The following SAV1 variants were observed in gnomAD, a reference collection of about 807,000 sequenced individuals.
SAV1 encodes the protein salvador family WW domain containing protein 1.
In SAV1, 23 loss-of-function variants were observed where a neutral mutation model predicts 47.3. The ratio of observed to expected loss-of-function variants is 0.49; its 90% confidence interval spans 0.35 to 0.69. The LOEUF is 0.69. Among genes scored for constraint, SAV1 ranks in the 30% least tolerant of loss-of-function variants. The pLI, the probability that SAV1 is intolerant of heterozygous loss-of-function variation, is 0.01. For missense variants in SAV1, 448 were observed against 457.4 expected (o/e 0.98, Z 0.19); for synonymous variants, 155 against 159.2 (o/e 0.97, Z 0.20).
Position 50,667,899 on chromosome 14 carries a change from C to T in SAV1, c.69G>A (p.Lys23=), listed in dbSNP as rs2039917512. 6.2e-7 allele frequency: 1 copy of T among 1,613,254 alleles called. No homozygotes were observed. Among genetic ancestry groups the T allele is most frequent in the South Asian group, 1.1e-5 (1 of 91,074 alleles). The change falls in exon 1 of 5, where the codon AAG becomes AAA. Residue 23 remains lysine, a synonymous_variant. Transcript: ENST00000324679. ...KPAEVQGKYV[K]KETSPLLRNL... ...TCCGAAGCAGAGGCGACGTCTCCTTCTTCACGTACTTCCCCTGCACCTCGG... is the reference window on the plus strand; with the variant it reads ...TCCGAAGCAGAGGCGACGTCTCCTTTTTCACGTACTTCCCCTGCACCTCGG...
chr14:50,660,424 T>C (rs2039848946), intron 2 of SAV1, among the ~76,000 whole-genome samples: 1 of 152,226 alleles, frequency 6.6e-6, no homozygotes, highest in Non-Finnish European at 1.5e-5. Flanking sequence ...TGTCTCAGTG[T>C]TCTGCTCTAT....
intron 2 of SAV1, among the ~76,000 whole-genome samples, chr14:50,661,002 G>A (rs989122294): frequency 6.6e-6 from 1 of 152,160 alleles, no homozygotes; most frequent in African/African-American, 2.4e-5. Context: ...TCATATGGTA[G>A]TTCTGTTTTC....
chr14:50,661,616 G>A (rs1332953204), intron 2 of SAV1, among the ~76,000 whole-genome samples: 1 of 152,110 alleles, frequency 6.6e-6, no homozygotes, highest in Non-Finnish European at 1.5e-5. Context: ...TTTGCATATG[G>A]TGAGACAAGG....
At chr14:50,649,936 A>G (rs537812920) in intron 2 of SAV1, among the ~76,000 whole-genome samples, 2 of 152,342 alleles carry the variant, frequency 1.3e-5, no homozygotes, top group Admixed American at 6.5e-5. Context: ...CTACTAGTCA[A>G]AAGTTCCCAG....
intron 3 of SAV1, among the ~76,000 whole-genome samples, chr14:50,642,145 A>C (rs911796911): frequency 6.6e-6 from 1 of 152,164 alleles, no homozygotes; most frequent in Non-Finnish European, 1.5e-5. Context: ...GGTAGGAGCT[A>C]AACACTGAGT....
In SAV1 at chr14:50,640,784, C is replaced by G; in HGVS notation, c.916G>C (p.Asp306His). Reference sequence around the variant, plus strand: ...GCTCGTGCGTAAACCTGAAGCCAGTCAGGAATTTCTGCAGTATGATATGGA... The same window carrying G: ...GCTCGTGCGTAAACCTGAAGCCAGTGAGGAATTTCTGCAGTATGATATGGA... ...ANPYHTAEIP[D>H]WLQVYARAPV... The change falls in exon 4 of 5, where the codon GAC becomes CAC. Residue 306 changes from aspartate to histidine, a missense_variant. By Grantham distance (81) the Asp-to-His change is moderately conservative. Coordinates refer to ENST00000324679, the MANE Select transcript of SAV1 (RefSeq NM_021818.4). 1 of 1,613,536 alleles carries G rather than the reference C, an allele frequency of 6.2e-7. No individual in the cohort carries two copies. Among genetic ancestry groups the G allele is most frequent in the Non-Finnish European group, 8.5e-7 (1 of 1,179,784 alleles).
rs143648225 is a variant in SAV1 at position 50,636,934 on chromosome 14, T to C, written c.951-1550A>G. ...TAGCATTATTTTTAATGATCGTTTATAGTATTTCCTACCCAGTGGTTCTTT... is the reference window on the plus strand; with the variant it reads ...TAGCATTATTTTTAATGATCGTTTACAGTATTTCCTACCCAGTGGTTCTTT... On this transcript the variant is annotated intron_variant, in intron 4 of 4. Transcript: ENST00000324679. Among the ~76,000 whole-genome samples, 423 of 152,328 alleles carry C rather than the reference T, an allele frequency of 2.8e-3. 1 individual carries two copies. The highest frequency in any genetic ancestry group is 5.1e-3 in the Non-Finnish European group (349 of 68,018).
intron 2 of SAV1, among the ~76,000 whole-genome samples, chr14:50,661,772 T>C (rs1056502352): frequency 6.6e-6 from 1 of 152,252 alleles, no homozygotes; most frequent in Non-Finnish European, 1.5e-5. Context: ...CTGCATTACC[T>C]ATTTTTGTTC....
In SAV1 at chr14:50,635,404, T is replaced by C. The variant is rs372720176; in HGVS notation, c.951-20A>G. ...TCATATCTGTTTTAAAACACAATCA[T>C]ATATATGTTCACAACACATACATAA... is the stretch of plus-strand genomic sequence containing the variant. On this transcript the variant is annotated intron_variant, in intron 4 of 4. Transcript: ENST00000324679. 3.9e-5 allele frequency: 62 copies of C among 1,592,174 alleles called. No individual in the cohort carries two copies. The African/African-American group carries it at 5.6e-4, about 14-fold the overall frequency.
chr14:50,650,307 C>A (rs1450993479), intron 2 of SAV1, among the ~76,000 whole-genome samples: 2 of 152,158 alleles, frequency 1.3e-5, no homozygotes, highest in East Asian at 1.9e-4. Context: ...ATTACACGCA[C>A]AGAACAGAGT....
chr14:50,660,041 G>T (rs1185250331), intron 2 of SAV1, among the ~76,000 whole-genome samples: 1 of 152,136 alleles, frequency 6.6e-6, no homozygotes, highest in African/African-American at 2.4e-5. Context: ...TCTTTCCATA[G>T]TAACTGGCAG....
intron 4 of SAV1, among the ~76,000 whole-genome samples, chr14:50,638,305 T>C (rs1347662462): frequency 6.6e-6 from 1 of 152,212 alleles, no homozygotes; most frequent in Non-Finnish European, 1.5e-5. Context: ...ATACTGTATA[T>C]ACACAGGTAA....
At chr14:50,647,171 T>C (rs1398446337) in intron 2 of SAV1, among the ~76,000 whole-genome samples, 1 of 151,976 alleles carries the variant, frequency 6.6e-6, no homozygotes, top group Non-Finnish European at 1.5e-5. Context: ...TTTTCATGAG[T>C]TTAGTTTAGA....
intron 2 of SAV1, among the ~76,000 whole-genome samples, chr14:50,648,452 T>C (rs2039740311): frequency 6.6e-6 from 1 of 152,224 alleles, no homozygotes; most frequent in Non-Finnish European, 1.5e-5. Flanking sequence ...TTTAAAAGAA[T>C]AATCTGGCTG....
In SAV1 at chr14:50,653,005, TGGGTGACAGA is replaced by T. The variant is rs1348262748; in HGVS notation, c.536-8001_536-7992del. The stretch of plus-strand genomic sequence containing the variant: ...AAGATTGTGCCACTGCACTCCAGCC[TGGGTGACAGA>T]GGGAGACGTCTAAAAAAAAAGAAAT... On this transcript the variant is annotated intron_variant, in intron 2 of 4. Coordinates refer to ENST00000324679, the MANE Select transcript of SAV1 (RefSeq NM_021818.4). 1.3e-3 allele frequency among the ~76,000 whole-genome samples: 204 copies of T among 151,660 alleles called. 2 individuals carry two copies. The highest frequency in any genetic ancestry group is 9.2e-4 in the Admixed American group (14 of 15,228).
intron 2 of SAV1, among the ~76,000 whole-genome samples, chr14:50,658,042 T>C (rs114562761): frequency 0.01 from 1,588 of 152,292 alleles, 25 homozygotes; most frequent in African/African-American, 0.036. Context: ...ATTATTAGCA[T>C]GTGTTATAAT....
chr14:50,661,381 T>A (rs548322775), intron 2 of SAV1, among the ~76,000 whole-genome samples: 3 of 152,244 alleles, frequency 2.0e-5, no homozygotes, highest in Non-Finnish European at 4.4e-5. Flanking sequence ...GCAAACACTT[T>A]CTCCTATTCA....
chr14:50,640,901 G>C lies in SAV1; in HGVS notation c.807-8C>G. Reference sequence around the variant, plus strand: ...TGATCATACCGAGGTACACTAAGAAGAAAGGAGTGACATTCTTTAGGATAA... The same window carrying C: ...TGATCATACCGAGGTACACTAAGAACAAAGGAGTGACATTCTTTAGGATAA... On this transcript the variant is annotated splice_region_variant and splice_polypyrimidine_tract_variant and intron_variant, in intron 3 of 4. Transcript: ENST00000324679. The C allele has an allele frequency of 6.3e-7, 1 of 1,591,940 alleles. No homozygotes were observed. Among genetic ancestry groups the C allele is most frequent in the Non-Finnish European group, 8.6e-7 (1 of 1,168,452 alleles).
intron 1 of SAV1, 135 bp downstream of exon 1, chr14:50,667,739 G>A: frequency 3.0e-6 from 2 of 664,432 alleles, no homozygotes; most frequent in African/African-American, 1.8e-5. Context: ...TCAGACACAA[G>A]AAAATCTCAA....
Sources: gnomAD v4.1 joint callset for allele counts (sites outside exome capture counted in the v4.1 genomes callset) on GRCh38, gnomAD v4.1.1 for gene constraint, MANE v1.5 for transcripts, NCBI Gene and HGNC (gene_info 2026-07-23, HGNC 2026-07-21) for gene names.